Variants in ARHGEF28 observed in about 807,000 individuals in gnomAD.
ARHGEF28 encodes 190 kDa guanine nucleotide exchange factor.
ARHGEF28 carries 152 observed loss-of-function variants against 206.6 expected under a neutral mutation model. The ratio of observed to expected loss-of-function variants is 0.74; its 90% CI spans 0.64 to 0.84. The LOEUF (loss-of-function observed/expected upper bound fraction) is 0.84. Among genes scored for constraint, ARHGEF28 ranks in the 40% least tolerant of loss-of-function variants. The pLI, the probability that ARHGEF28 is intolerant of heterozygous loss-of-function variation, is 0.00. For missense variants in ARHGEF28, 2,028 were observed against 2,073.2 expected, an observed-to-expected ratio of 0.98 and a Z score of 0.42; for synonymous variants, 763 against 776.4, an observed-to-expected ratio of 0.98 and a Z score of 0.29.
In ARHGEF28 at chr5:73,737,558, C is replaced by T. The variant is rs564259623; in HGVS notation, c.34-12279C>T. Among the ~76,000 whole-genome samples the T allele has an allele frequency of 3.7e-5, 5 of 133,936 alleles. No individual in the cohort carries two copies. The South Asian group carries it at 1.2e-3, about 32-fold the overall frequency. 87.9% of individuals were successfully genotyped at this position (133,936 alleles called of 152,430 possible). ...TGGAGTTTTGCTCTTGTTGCCCAGG[C>T]TGGAGTGCAATGGTGTGATCTCAGC... On this transcript the variant is annotated intron_variant, in intron 2 of 35. Transcript: ENST00000513042.
intron 2 of ARHGEF28, among the ~76,000 whole-genome samples, chr5:73,698,955 CA>C (rs1748397681): frequency 6.6e-6 from 1 of 151,966 alleles, no homozygotes; most frequent in South Asian, 2.1e-4. Context: ...CTGGTGAGGG[CA>C]GTGCTGGCAT....
chr5:73,846,612 G>T, intron 12 of ARHGEF28, 137 bp downstream of exon 12: 1 of 738,046 alleles, frequency 1.4e-6, no homozygotes, highest in Admixed American at 3.1e-5. Flanking sequence ...TGTGATATCT[G>T]ATTGAGTCTG....
chr5:73,696,566 T>G (rs1369942159), intron 2 of ARHGEF28, among the ~76,000 whole-genome samples: 1 of 152,238 alleles, frequency 6.6e-6, no homozygotes, highest in Non-Finnish European at 1.5e-5. Flanking sequence ...TAAGCACCAA[T>G]ACAACAGAGA....
intron 2 of ARHGEF28, among the ~76,000 whole-genome samples, chr5:73,714,546 A>G (rs1156588732): frequency 1.3e-5 from 2 of 152,216 alleles, no homozygotes; most frequent in Admixed American, 1.3e-4. Context: ...GATTATTCTG[A>G]GGACATCCTG....
At chr5:73,871,594 G>A (rs73763158) in intron 21 of ARHGEF28, among the ~76,000 whole-genome samples, 2,557 of 152,162 alleles carry the variant, frequency 0.017, 65 homozygotes, top group African/African-American at 0.057. Flanking sequence ...CTCCTGATGC[G>A]TTTTAAAAAT....
chr5:73,789,656 G>GT (rs370698205), intron 7 of ARHGEF28, among the ~76,000 whole-genome samples: 4 of 151,696 alleles, frequency 2.6e-5, no homozygotes, highest in Non-Finnish European at 2.9e-5. Flanking sequence ...TTTTTGTTTA[G>GT]TTTTTTTTCC....
intron 21 of ARHGEF28, among the ~76,000 whole-genome samples, chr5:73,871,590 A>G (rs1646477397): frequency 6.6e-6 from 1 of 152,116 alleles, no homozygotes; most frequent in African/African-American, 2.4e-5. Flanking sequence ...TTCTCTCCTG[A>G]TGCGTTTTAA....
intron 7 of ARHGEF28, among the ~76,000 whole-genome samples, chr5:73,785,806 A>G (rs1057111334): frequency 3.9e-5 from 6 of 152,138 alleles, no homozygotes; most frequent in Admixed American, 2.6e-4. Flanking sequence ...GGATTGGAAC[A>G]TGTGTTACAA....
chr5:73,800,158 TTTTCTCATGCATGCA>T (rs1281921135), intron 9 of ARHGEF28, among the ~76,000 whole-genome samples: 2 of 152,306 alleles, frequency 1.3e-5, no homozygotes, highest in East Asian at 3.9e-4. Context: ...TACCAGCATT[TTTTCTCATGCATGCA>T]TTTCTTTTTT....
At chr5:73,886,215 C>T in intron 25 of ARHGEF28, 111 bp downstream of exon 25, 1 of 1,327,152 alleles carries the variant, frequency 7.5e-7, no homozygotes, top group Non-Finnish European at 1.0e-6. Context: ...CATGCGCAAA[C>T]CCTGGGTCAG....
intron 1 of ARHGEF28, among the ~76,000 whole-genome samples, chr5:73,632,139 A>C (rs1271444543): frequency 6.6e-6 from 1 of 152,096 alleles, no homozygotes; most frequent in Non-Finnish European, 1.5e-5. Flanking sequence ...TGTTTGCAGC[A>C]CCACTGCAAG....
chr5:73,931,380 G>T (rs73105738), intron 35 of ARHGEF28, among the ~76,000 whole-genome samples: 4,995 of 152,106 alleles, frequency 0.033, 159 homozygotes, highest in African/African-American at 0.081. Context: ...CACTTTAGAG[G>T]TATATTTCCC....
At chr5:73,742,696 C>A (rs960880560) in intron 2 of ARHGEF28, among the ~76,000 whole-genome samples, 2 of 150,668 alleles carry the variant, frequency 1.3e-5, no homozygotes, top group African/African-American at 2.4e-5. Context: ...CGGTGGCGGG[C>A]GCCTGTAGTC....
chr5:73,675,508 G>A lies in ARHGEF28; in HGVS notation c.-11-9333G>A, dbSNP rs187595156. ...AGCACTTTGGGAGGCCCAGGCAGGCGGATCACAAGGTCAGGAGATTGAGAC... is the reference window on the plus strand; with the variant it reads ...AGCACTTTGGGAGGCCCAGGCAGGCAGATCACAAGGTCAGGAGATTGAGAC... On this transcript the variant is annotated intron_variant, in intron 1 of 35. Transcript: ENST00000513042. 1.4e-3 allele frequency among the ~76,000 whole-genome samples: 207 copies of A among 152,070 alleles called. 3 individuals are homozygous for A. The East Asian group carries it at 0.035, about 25-fold the overall frequency.
intron 9 of ARHGEF28, among the ~76,000 whole-genome samples, chr5:73,813,043 T>C (rs1223533474): frequency 6.6e-6 from 1 of 152,168 alleles, no homozygotes; most frequent in Non-Finnish European, 1.5e-5. Context: ...TCCTGGAGTC[T>C]GCTGGCCTTC....
chr5:73,908,239 G>A (rs1200983654), intron 33 of ARHGEF28, among the ~76,000 whole-genome samples: 5 of 152,054 alleles, frequency 3.3e-5, no homozygotes, highest in Non-Finnish European at 5.9e-5. Context: ...TTTTTGAGTC[G>A]TATTCCAAGA....
chr5:73,931,231 G>A (rs1257194527), intron 35 of ARHGEF28, among the ~76,000 whole-genome samples: 1 of 152,034 alleles, frequency 6.6e-6, no homozygotes, highest in East Asian at 1.9e-4. Flanking sequence ...TCCGATTCTG[G>A]GTTCTTTGTT....
intron 4 of ARHGEF28, among the ~76,000 whole-genome samples, chr5:73,766,153 CAAAAAAAA>C (rs369385323): frequency 1.7e-5 from 2 of 114,758 alleles, no homozygotes; most frequent in African/African-American, 5.9e-5. Flanking sequence ...GACTCCATCT[CAAAAAAAA>C]AAAAACAAAA....
At chr5:73,894,260 C>A in intron 28 of ARHGEF28, 133 bp from the exon 29 acceptor site, 1 of 831,958 alleles carries the variant, frequency 1.2e-6, no homozygotes, top group Non-Finnish European at 1.9e-6. Flanking sequence ...CTGCATCTGC[C>A]CCACTCATCA....
Sources: gnomAD v4.1 joint callset for allele counts (sites outside exome capture counted in the v4.1 genomes callset) on GRCh38, gnomAD v4.1.1 for gene constraint, MANE v1.5 for transcripts, NCBI Gene and HGNC (gene_info 2026-07-23, HGNC 2026-07-21) for gene names.